Variants in FHIT observed in about 807,000 individuals in gnomAD.
FHIT encodes fragile histidine triad diadenosine triphosphatase.
Under a neutral mutation model 17.9 loss-of-function variants are expected in FHIT, and 19 were observed. That is an observed-to-expected ratio of 1.06 (90% CI 0.74 to 1.56). The LOEUF (loss-of-function observed/expected upper bound fraction) is 1.56. Ranked by LOEUF, FHIT falls within the 40% of genes most tolerant of loss-of-function variation. The probability of loss-of-function intolerance (pLI) is 0.00; values close to 1 mark genes in which losing one functional copy is unlikely to be tolerated. For synonymous variants in FHIT, 81 were observed against 69.7 expected, an observed-to-expected ratio of 1.16 and a Z score of -0.81; for missense variants, 248 against 189.2, an observed-to-expected ratio of 1.31 and a Z score of -1.82.
At chr3:61,070,084 G>A (rs1337634306) in intron 2 of FHIT, among the ~76,000 whole-genome samples, 1 of 152,030 alleles carries the variant, frequency 6.6e-6, no homozygotes, top group African/African-American at 2.4e-5. Flanking sequence ...AGTAGAGACG[G>A]GGTTTCACCA....
chr3:60,619,362 C>A (rs1305846275), intron 4 of FHIT, among the ~76,000 whole-genome samples: 1 of 152,004 alleles, frequency 6.6e-6, no homozygotes, highest in African/African-American at 2.4e-5. Context: ...TGGATATTAA[C>A]AAACTGATTC....
At chr3:59,966,192 C>T (rs557575262) in intron 7 of FHIT, among the ~76,000 whole-genome samples, 1 of 152,274 alleles carries the variant, frequency 6.6e-6, no homozygotes, top group South Asian at 2.1e-4. Context: ...TAGTATTCAA[C>T]CTCCCATTGG....
chr3:60,474,648 A>G (rs2033254937), intron 5 of FHIT, among the ~76,000 whole-genome samples: 8 of 148,878 alleles, frequency 5.4e-5, no homozygotes, highest in Admixed American at 6.7e-5. Flanking sequence ...TTTGAGATGG[A>G]GTTTCGCTCT....
intron 8 of FHIT, among the ~76,000 whole-genome samples, chr3:59,908,840 T>C (rs1295983383): frequency 2.0e-5 from 3 of 150,710 alleles, no homozygotes; most frequent in African/African-American, 7.3e-5. Flanking sequence ...GTCAAGAACA[T>C]TTCATTTTTT....
chr3:60,494,506 A>G (rs2034209997), intron 5 of FHIT, among the ~76,000 whole-genome samples: 2 of 152,170 alleles, frequency 1.3e-5, no homozygotes, highest in Admixed American at 1.3e-4. Context: ...CAAAATGTAC[A>G]ATTAAATCAT....
chr3:60,430,500 A>C (rs564950101), intron 5 of FHIT, among the ~76,000 whole-genome samples: 19 of 152,012 alleles, frequency 1.2e-4, no homozygotes, highest in Non-Finnish European at 2.4e-4. Flanking sequence ...TGTGGGTCTA[A>C]GGGCAATATT....
At chr3:60,745,096 A>G (rs983301113) in intron 4 of FHIT, among the ~76,000 whole-genome samples, 1 of 152,138 alleles carries the variant, frequency 6.6e-6, no homozygotes, top group Non-Finnish European at 1.5e-5. Flanking sequence ...AAAAAGGGGG[A>G]AAAAAGCAAG....
intron 4 of FHIT, among the ~76,000 whole-genome samples, chr3:60,635,974 C>A (rs1487873817): frequency 1.3e-5 from 2 of 152,138 alleles, no homozygotes; most frequent in African/African-American, 4.8e-5. Flanking sequence ...AGTTTGTCAA[C>A]CCCTGCTCAG....
intron 5 of FHIT, among the ~76,000 whole-genome samples, chr3:60,135,618 G>A (rs1473898128): frequency 6.6e-6 from 1 of 152,098 alleles, no homozygotes; most frequent in Non-Finnish European, 1.5e-5. Flanking sequence ...TATTTGTACT[G>A]AGAAAGGAAA....
At chr3:60,200,399 C>A (rs1169584502) in intron 5 of FHIT, among the ~76,000 whole-genome samples, 1 of 152,162 alleles carries the variant, frequency 6.6e-6, no homozygotes, top group Non-Finnish European at 1.5e-5. Flanking sequence ...CAGACCACTA[C>A]AATTTCTAGT....
intron 5 of FHIT, among the ~76,000 whole-genome samples, chr3:60,341,108 A>G (rs1035520669): frequency 6.6e-6 from 1 of 152,180 alleles, no homozygotes; most frequent in African/African-American, 2.4e-5. Flanking sequence ...CAAATGCGGG[A>G]CTTGAGTATT....
intron 4 of FHIT, among the ~76,000 whole-genome samples, chr3:60,771,395 C>G (rs1309219854): frequency 2.0e-5 from 3 of 152,222 alleles, no homozygotes; most frequent in Admixed American, 6.5e-5. Flanking sequence ...TGTTAAATAT[C>G]TGGCATAGTC....
At chr3:60,241,871 T>A (rs1705147179) in intron 5 of FHIT, among the ~76,000 whole-genome samples, 1 of 152,160 alleles carries the variant, frequency 6.6e-6, no homozygotes, top group African/African-American at 2.4e-5. Context: ...ATTCTCTTGA[T>A]CATCATCACC....
chr3:59,991,826 C>G (rs1699281411), intron 7 of FHIT, among the ~76,000 whole-genome samples: 1 of 152,000 alleles, frequency 6.6e-6, no homozygotes, highest in African/African-American at 2.4e-5. Context: ...TCATGCCAGT[C>G]CCTTTGCAGA....
intron 4 of FHIT, among the ~76,000 whole-genome samples, chr3:60,814,407 G>A (rs552525090): frequency 5.3e-5 from 8 of 152,058 alleles, no homozygotes; most frequent in African/African-American, 1.9e-4. Flanking sequence ...CCATCTTCAC[G>A]TCCACACGTA....
Position 60,387,580 on chromosome 3 carries a change from T to C in FHIT, c.103+149280A>G, listed in dbSNP as rs1290246054. Among the ~76,000 whole-genome samples the C allele has an allele frequency of 2.0e-5, 3 of 152,058 alleles. No homozygotes were observed. The East Asian group carries it at 5.8e-4, about 29-fold the overall frequency. The stretch of plus-strand genomic sequence containing the variant: ...AATCATCATCCTGAATTCCCAATTC[T>C]CTCCCCCCTCACCTTTCTGCCTCTG... On this transcript the variant is annotated intron_variant, in intron 5 of 9. Coordinates refer to ENST00000492590, the MANE Select transcript of FHIT (RefSeq NM_002012.4).
chr3:60,281,715 C>A (rs1002003100), intron 5 of FHIT, among the ~76,000 whole-genome samples: 1 of 150,380 alleles, frequency 6.6e-6, no homozygotes, highest in African/African-American at 2.4e-5. Context: ...ATGAAAAATG[C>A]AAAATGTAAA....
intron 1 of FHIT, among the ~76,000 whole-genome samples, chr3:61,200,876 T>G (rs9846073): frequency 0.43 from 65,841 of 152,004 alleles, 14,654 homozygotes; most frequent in East Asian, 0.58. Flanking sequence ...TACCCAGAAT[T>G]GAAGCACACA....
At chr3:60,851,347 G>A (rs1465681599) in intron 3 of FHIT, among the ~76,000 whole-genome samples, 1 of 152,188 alleles carries the variant, frequency 6.6e-6, no homozygotes, top group South Asian at 2.1e-4. Context: ...AGTCATTGGT[G>A]TGAATTTACT....
Sources: gnomAD v4.1 joint callset for allele counts (sites outside exome capture counted in the v4.1 genomes callset) on GRCh38, gnomAD v4.1.1 for gene constraint, MANE v1.5 for transcripts, NCBI Gene and HGNC (gene_info 2026-07-23, HGNC 2026-07-21) for gene names.